MED16: variants seen among roughly 807,000 people sequenced by gnomAD.
MED16 encodes the protein mediator complex subunit 16.
A neutral mutation model predicts 84.4 loss-of-function variants in MED16; 81 were observed. The ratio of observed to expected loss-of-function variants is 0.96; its 90% CI spans 0.80 to 1.15. MED16 has a LOEUF of 1.15. MED16 is among the 50% of genes most tolerant of loss of function. The pLI is 0.00. For synonymous variants in MED16, 897 were observed against 552.2 expected (o/e 1.62, Z -8.76); for missense variants, 1,585 against 1,245.9 (o/e 1.27, Z -4.10).
chr19:883,437 C>G (rs1201050770), intron 6 of MED16, among the ~76,000 whole-genome samples: 23 of 29,658 alleles, frequency 7.8e-4, no homozygotes, highest in Admixed American at 2.0e-3. Context: ...TGGGGCGGTG[C>G]GTGAAGAGCT....
chr19:885,132 C>G, intron 5 of MED16, 124 bp from the exon 6 acceptor site: 1 of 678,076 alleles, frequency 1.5e-6, no homozygotes, highest in Non-Finnish European at 2.5e-6. Flanking sequence ...GCCACGCCTG[C>G]CCCTCGGGCC....
At chr19:886,936 G>C (rs111542276) in intron 4 of MED16, among the ~76,000 whole-genome samples, 1 of 151,896 alleles carries the variant, frequency 6.6e-6, no homozygotes, top group Non-Finnish European at 1.5e-5. Context: ...AAAATTAGCC[G>C]GGCATGGTAG....
intron 11 of MED16, among the ~76,000 whole-genome samples, 181 bp from the exon 12 acceptor site, chr19:872,299 A>G (rs928176837): frequency 6.6e-6 from 1 of 152,078 alleles, no homozygotes; most frequent in African/African-American, 2.4e-5. Flanking sequence ...CGCTGCTCAG[A>G]GCCCTGCAGG....
At chr19:878,229 C>T (rs1296585201) in intron 8 of MED16, among the ~76,000 whole-genome samples, 2 of 101,932 alleles carry the variant, frequency 2.0e-5, no homozygotes, top group Non-Finnish European at 3.9e-5. Flanking sequence ...TTGTCAATGC[C>T]CACCAGCCCC....
chr19:868,215 G>A lies in MED16; in HGVS notation c.2520C>T (p.Thr840=), dbSNP rs772086033. ...CAGGGGCTTCCTCAGAAGCTCTGCT[G>A]GTCACGCAGGCGTCCGGCCCACGGC... The part of the protein sequence containing the change: ...VEGRGPDACV[T]SRASEEAPAF... The change falls in exon 16 of 16, where the codon ACC becomes ACT. Residue 840 remains threonine, a synonymous_variant. Coordinates refer to ENST00000325464, the MANE Select transcript of MED16 (RefSeq NM_005481.3). 5.6e-6 allele frequency: 9 copies of A among 1,601,708 alleles called. No individual in the cohort carries two copies. Among genetic ancestry groups the A allele is most frequent in the South Asian group, 4.5e-5 (4 of 89,716 alleles).
chr19:873,638 T>G lies in MED16; in HGVS notation c.1772-56A>C, dbSNP rs1407887768. On this transcript the variant is annotated intron_variant, in intron 10 of 15. Coordinates refer to ENST00000325464, the MANE Select transcript of MED16 (RefSeq NM_005481.3). ...GGCCTCTTGTACACACAGGGTGACCTAACTGCACCCCTCGGTCCTTCGACC... is the reference window on the plus strand; with the variant it reads ...GGCCTCTTGTACACACAGGGTGACCGAACTGCACCCCTCGGTCCTTCGACC... The G allele has an allele frequency of 1.4e-4, 229 of 1,597,168 alleles. 3 individuals are homozygous for G. The highest frequency in any genetic ancestry group is 8.5e-6 in the Non-Finnish European group (10 of 1,170,984).
intron 13 of MED16, among the ~76,000 whole-genome samples, chr19:869,751 G>A (rs909402584): frequency 2.6e-5 from 4 of 152,184 alleles, no homozygotes; most frequent in African/African-American, 7.2e-5. Context: ...TCTTCCTTTT[G>A]CTCATCTGTG....
At chr19:891,232 A>G (rs543987096) in intron 1 of MED16, 83 bp from the exon 2 acceptor site, 3 of 1,350,522 alleles carry the variant, frequency 2.2e-6, no homozygotes, top group South Asian at 1.3e-5. Context: ...GTGGGAAAAC[A>G]ATGGAGGCCC....
At chr19:892,663 GCCCCGCACCGA>G (rs2036661108) in intron 1 of MED16, 3 of 56,654 alleles carry the variant, frequency 5.3e-5, no homozygotes, top group Non-Finnish European at 1.8e-4. Context: ...CCCTCTCCAG[GCCCCGCACCGA>G]TAACCCCGCA....
At chr19:872,944 G>C (rs912150313) in intron 11 of MED16, 18 of 1,026,912 alleles carry the variant, frequency 1.8e-5, no homozygotes, top group Non-Finnish European at 1.9e-5. Flanking sequence ...AGGGCTCCGA[G>C]GTGGGGGAGG....
chr19:877,261 G>A lies in MED16; in HGVS notation c.1354-81C>T. 2.9e-6 allele frequency: 4 copies of A among 1,392,994 alleles called. No individual in the cohort carries two copies. In the South Asian group the frequency reaches 3.8e-5, roughly 13 times the overall value. 86.3% of individuals were successfully genotyped at this position (1,392,994 alleles called of 1,614,324 possible). On this transcript the variant is annotated intron_variant, in intron 8 of 15. Transcript: ENST00000325464. ...GGGAGAGGAATGGGGCCCTGGGGCT[G>A]CGGCACGTGTGTGGATCTGTGTGCG...
Position 873,646 on chromosome 19 carries a change from C to T in MED16, c.1772-64G>A, listed in dbSNP as rs1374709029. 3 of 1,586,644 alleles carry T rather than the reference C, an allele frequency of 1.9e-6. No homozygotes were observed. In the South Asian group the frequency reaches 3.3e-5, roughly 18 times the overall value. ...GTACACACAGGGTGACCTAACTGCA[C>T]CCCTCGGTCCTTCGACCTGCACTGA... On this transcript the variant is annotated intron_variant, in intron 10 of 15. Coordinates refer to ENST00000325464, the MANE Select transcript of MED16 (RefSeq NM_005481.3).
intron 10 of MED16, 47 bp downstream of exon 10, chr19:875,197 A>G (rs750975572): frequency 1.4e-5 from 17 of 1,254,762 alleles, no homozygotes; most frequent in African/African-American, 4.6e-5. Flanking sequence ...AAATAAAATA[A>G]ATAGATGAAA....
chr19:880,762 A>G (rs2036404228), intron 7 of MED16, among the ~76,000 whole-genome samples: 1 of 152,060 alleles, frequency 6.6e-6, no homozygotes, highest in South Asian at 2.1e-4. Context: ...CTCTACTAAA[A>G]TACAAAAAAT....
At chr19:875,511 C>A in intron 9 of MED16, 57 bp from the exon 10 acceptor site, 1 of 1,417,750 alleles carries the variant, frequency 7.1e-7, no homozygotes, top group Non-Finnish European at 9.6e-7. Flanking sequence ...CCCGCCAAGG[C>A]TCCAGCTGAG....
At position 879,944 on chromosome 19, in the gene MED16, T is replaced by G. The variant is rs1599332729; in HGVS notation, c.1346A>C (p.His449Pro). The stretch of plus-strand genomic sequence containing the variant: ...CGTGCCCCAGCAGCTCACCTTCCCG[T>G]GGCTGTCAATCCCCACCAGGGCCAG... ...TSLALVGIDS[H>P]GKLSVLRLSP... Residue 449 changes from histidine (H) to proline (P), a missense_variant, in exon 8 of 16, where the codon CAC becomes CCC. By Grantham distance (77) the His-to-Pro change is moderately conservative (BLOSUM62 -2). Transcript: ENST00000325464. The G allele has an allele frequency of 6.2e-7, 1 of 1,602,710 alleles. No homozygotes were observed. The highest frequency in any genetic ancestry group is 2.2e-5 in the East Asian group (1 of 44,674).
rs2035961864 is a variant in MED16, at chr19:868,247, C to T, written c.2488G>A (p.Val830Ile). 1 of 1,594,854 alleles carries T rather than the reference C, an allele frequency of 6.3e-7. No homozygotes were observed. The highest frequency in any genetic ancestry group is 8.5e-7 in the Non-Finnish European group (1 of 1,171,578). The stretch of plus-strand genomic sequence containing the variant: ...CAGGCGTCCGGCCCACGGCCTTCAA[C>T]AGCCCTGCAGGGCGGGCTGAGGTTA... Reference protein sequence around the residue: ...EQRWIKNCLAVEGRGPDACVT... With the variant: ...EQRWIKNCLAIEGRGPDACVT... Residue 830 changes from valine (V) to isoleucine (I), a missense_variant, in exon 16 of 16, where the codon GTT (valine) becomes ATT (isoleucine). Physicochemically the swap from Val to Ile is conservative, Grantham distance 29. Transcript: ENST00000325464.
intron 1 of MED16, among the ~76,000 whole-genome samples, chr19:892,145 G>A (rs989799593): frequency 4.6e-5 from 7 of 152,020 alleles, no homozygotes; most frequent in African/African-American, 1.7e-4. Context: ...GGGCTGTTTC[G>A]CTTCGCAAAG....
Position 875,291 on chromosome 19 carries a change from C to T in MED16, c.1724G>A (p.Ser575Asn). ...GATCTCGGTCAGCCGGTCGCCGGGG[C>T]TCTTGTCAGGCGTGTTGAGAAAGTG... ...RPHFLNTPDK[S>N]PGDRLTEICT... is the part of the protein sequence containing the mutation. The change falls in exon 10 of 16, where the codon AGC becomes AAC. Residue 575 changes from serine (S) to asparagine (N), a missense_variant. Ser to Asn is a conservative substitution (Grantham distance 46). Transcript: ENST00000325464. The T allele has an allele frequency of 7.5e-7, 1 of 1,332,056 alleles. No individual in the cohort carries two copies. 82.5% of individuals were successfully genotyped at this position (1,332,056 alleles called of 1,614,324 possible).
Sources: gnomAD v4.1 joint callset for allele counts (sites outside exome capture counted in the v4.1 genomes callset) on GRCh38, gnomAD v4.1.1 for gene constraint, MANE v1.5 for transcripts, NCBI Gene and HGNC (gene_info 2026-07-23, HGNC 2026-07-21) for gene names.